HIVEP1: variants seen among roughly 807,000 people sequenced by gnomAD.
The protein encoded by HIVEP1 is zinc finger protein 40.
In HIVEP1, 36 loss-of-function variants were observed where a neutral mutation model predicts 180.0. The observed-to-expected ratio is 0.20, with a 90% CI of 0.15 to 0.26. The LOEUF (loss-of-function observed/expected upper bound fraction) is 0.26, where lower values mean the gene tolerates loss of function less well. HIVEP1 is among the 10% of genes least tolerant of loss of function. The probability of loss-of-function intolerance (pLI) is 1.00; values close to 1 mark genes in which losing one functional copy is unlikely to be tolerated. For synonymous variants in HIVEP1, 1,239 were observed against 1,239.0 expected (o/e 1.00, Z 0.00); for missense variants, 3,143 against 3,268.7 (o/e 0.96, Z 0.94).
intron 3 of HIVEP1, among the ~76,000 whole-genome samples, chr6:12,109,786 T>A (rs1774767996): frequency 6.6e-6 from 1 of 152,240 alleles, no homozygotes. Flanking sequence ...TCATGAATGC[T>A]TTTAATGGCA....
chr6:12,187,768 T>C, the HIVEP1 span, among the ~76,000 whole-genome samples: 1 of 152,032 alleles, frequency 6.6e-6, no homozygotes, highest in African/African-American at 2.4e-5. Context: ...AATTTTTTTG[T>C]AGAGATGAGG....
At chr6:12,187,835 C>A in the HIVEP1 span, among the ~76,000 whole-genome samples, 1 of 152,120 alleles carries the variant, frequency 6.6e-6, no homozygotes, top group Non-Finnish European at 1.5e-5. Flanking sequence ...ATCTGCCTGC[C>A]TTGGCTTCCC....
intron 2 of HIVEP1, among the ~76,000 whole-genome samples, chr6:12,083,445 A>G (rs1216460135): frequency 6.6e-6 from 1 of 152,162 alleles, no homozygotes; most frequent in Non-Finnish European, 1.5e-5. Flanking sequence ...GGGTCTAGTG[A>G]CCCTGGCAAC....
chr6:12,104,414 C>CTCTCTCTCTT (rs772806336), intron 3 of HIVEP1, among the ~76,000 whole-genome samples: 2 of 117,836 alleles, frequency 1.7e-5, no homozygotes, highest in African/African-American at 5.9e-5. Context: ...CTCTCTCTCT[C>CTCTCTCTCTT]CTTTTCTTTC....
chr6:12,038,371 A>G (rs966274064), intron 2 of HIVEP1: 6 of 152,182 alleles, frequency 3.9e-5, no homozygotes, highest in Non-Finnish European at 7.3e-5. Context: ...GGTACACAGA[A>G]AAAGTTAAGA....
the HIVEP1 span, among the ~76,000 whole-genome samples, chr6:12,191,111 A>G: frequency 2.0e-5 from 3 of 152,222 alleles, no homozygotes; most frequent in Non-Finnish European, 2.9e-5. Flanking sequence ...TAAATGGGCT[A>G]ATAATACCAG....
intron 2 of HIVEP1, among the ~76,000 whole-genome samples, chr6:12,033,469 T>G (rs1769087615): frequency 6.6e-6 from 1 of 152,156 alleles, no homozygotes; most frequent in Non-Finnish European, 1.5e-5. Flanking sequence ...TCAAAGAATG[T>G]ACTGAGAAAC....
chr6:12,186,713 T>C, the HIVEP1 span, among the ~76,000 whole-genome samples: 2 of 152,064 alleles, frequency 1.3e-5, no homozygotes, highest in Middle Eastern at 3.2e-3. Flanking sequence ...CAATATCCCA[T>C]ATGCGATGAA....
intron 2 of HIVEP1, among the ~76,000 whole-genome samples, chr6:12,076,249 A>G (rs1239115789): frequency 6.6e-6 from 1 of 152,174 alleles, no homozygotes. Flanking sequence ...TGCCTAACAT[A>G]TCTCTGTTTA....
chr6:12,025,697 T>C (rs1768536043), intron 2 of HIVEP1, among the ~76,000 whole-genome samples: 1 of 152,206 alleles, frequency 6.6e-6, no homozygotes, highest in Non-Finnish European at 1.5e-5. Context: ...AAAAGCATGC[T>C]ATTTTAGACG....
chr6:12,096,767 A>G (rs1773806043), intron 3 of HIVEP1, among the ~76,000 whole-genome samples: 2 of 152,058 alleles, frequency 1.3e-5, no homozygotes, highest in Admixed American at 1.3e-4. Context: ...TAATTAAGAA[A>G]ATACAAGGAC....
chr6:12,151,608 A>G (rs1388092507), intron 7 of HIVEP1, among the ~76,000 whole-genome samples: 2 of 152,014 alleles, frequency 1.3e-5, no homozygotes, highest in Non-Finnish European at 2.9e-5. Flanking sequence ...TGTGGTATCA[A>G]CTCTGTCATG....
At chr6:12,176,816 A>C in the HIVEP1 span, among the ~76,000 whole-genome samples, 1 of 152,170 alleles carries the variant, frequency 6.6e-6, no homozygotes. Context: ...TTTGCTGTGC[A>C]GAAGCTCTTG....
chr6:12,061,753 T>G (rs143788552), intron 2 of HIVEP1, among the ~76,000 whole-genome samples: 1 of 152,324 alleles, frequency 6.6e-6, no homozygotes, highest in East Asian at 1.9e-4. Context: ...TCTTTTGTTT[T>G]CTTGTGGATA....
chr6:12,165,103 A>AT (rs753389818), downstream of HIVEP1: 214 of 510,332 alleles, frequency 4.2e-4, no homozygotes, highest in Non-Finnish European at 6.7e-4. Flanking sequence ...TCAACCCTTC[A>AT]TTTTTTTTAT....
chr6:12,054,579 C>G (rs1770741913), intron 2 of HIVEP1, among the ~76,000 whole-genome samples: 1 of 152,154 alleles, frequency 6.6e-6, no homozygotes, highest in Non-Finnish European at 1.5e-5. Flanking sequence ...TTATCTATTA[C>G]TAGTATTTTT....
At chr6:12,152,247 AAAGT>A (rs1344602741) in intron 7 of HIVEP1, among the ~76,000 whole-genome samples, 1 of 152,244 alleles carries the variant, frequency 6.6e-6, no homozygotes, top group African/African-American at 2.4e-5. Flanking sequence ...ATGCAGTAGC[AAAGT>A]AAGCAGTATC....
intron 2 of HIVEP1, among the ~76,000 whole-genome samples, chr6:12,079,881 A>T (rs1772650884): frequency 6.6e-6 from 1 of 152,112 alleles, no homozygotes; most frequent in African/African-American, 2.4e-5. Flanking sequence ...TGCCCTGTGG[A>T]TGTTGATTAT....
chr6:12,161,271 G>A (rs948754666), intron 7 of HIVEP1, among the ~76,000 whole-genome samples, 168 bp from the exon 8 acceptor site: 1 of 152,128 alleles, frequency 6.6e-6, no homozygotes, highest in Non-Finnish European at 1.5e-5. Context: ...ATGGCCAACT[G>A]TCTTATTCTT....
Sources: gnomAD v4.1 joint callset for allele counts (sites outside exome capture counted in the v4.1 genomes callset) on GRCh38, gnomAD v4.1.1 for gene constraint, MANE v1.5 for transcripts, NCBI Gene and HGNC (gene_info 2026-07-23, HGNC 2026-07-21) for gene names.